Variants in TIMD4 observed in about 807,000 individuals in gnomAD.
TIMD4 encodes the protein T cell immunoglobulin and mucin domain containing 4.
Under a neutral mutation model 41.2 loss-of-function variants are expected in TIMD4, and 31 were observed. The observed-to-expected ratio is 0.75, with a 90% CI of 0.57 to 1.01. TIMD4 has a LOEUF of 1.01. TIMD4 is among the 50% of genes least tolerant of loss of function. TIMD4 has a pLI of 0.00. For synonymous variants in TIMD4, 204 were observed against 177.1 expected (o/e 1.15, Z -1.21); for missense variants, 479 against 472.5 (o/e 1.01, Z -0.13).
chr5:156,953,548 A>G (rs1023929422), intron 2 of TIMD4, among the ~76,000 whole-genome samples: 7 of 149,208 alleles, frequency 4.7e-5, no homozygotes, highest in African/African-American at 1.7e-4. Context: ...CCAGCTACTC[A>G]GGAGGCTGAG....
In TIMD4 at chr5:156,948,358, A is replaced by AAAT. The variant is rs1554083667; in HGVS notation, c.844+55_844+57dup. 149 of 1,046,656 alleles carry AAAT rather than the reference A, an allele frequency of 1.4e-4. No individual in the cohort carries two copies. The African/African-American group carries it at 2.0e-3, about 14-fold the overall frequency. 64.8% of individuals were successfully genotyped at this position (1,046,656 alleles called of 1,614,324 possible). A position where few individuals can be genotyped will look rare whatever the true frequency, so the allele number is the denominator to read the frequency against. On this transcript the variant is annotated intron_variant, in intron 5 of 8. Transcript: ENST00000274532. ...AAAAAAGCAAGATTCTGTCTAAAAA[A>AAAT]AATAATAATAATAATTAATAAAGTA... is the stretch of plus-strand genomic sequence containing the variant.
intron 5 of TIMD4, 53 bp downstream of exon 5, chr5:156,948,363 A>G (rs1279004670): frequency 9.4e-7 from 1 of 1,064,098 alleles, no homozygotes; most frequent in Non-Finnish European, 1.2e-6. Flanking sequence ...AAAAAAAATA[A>G]TAATAATAAT....
chr5:156,919,613 A>T, intron 8 of TIMD4, 72 bp from the exon 9 acceptor site: 2 of 1,267,070 alleles, frequency 1.6e-6, no homozygotes, highest in Non-Finnish European at 2.3e-6. Flanking sequence ...GATGCTGCTA[A>T]GTTACAGTGC....
At position 156,954,463 on chromosome 5, in the gene TIMD4, C is replaced by A; in HGVS notation, c.352G>T (p.Gly118Cys). 6.2e-7 allele frequency: 1 copy of A among 1,614,190 alleles called. No homozygotes were observed. The highest frequency in any genetic ancestry group is 8.5e-7 in the Non-Finnish European group (1 of 1,180,032). ...GVYCCRIEVP[G>C]WFNDVKINVR... ...TTTATCTTTACATCGTTGAACCAGC[C>A]AGGCACTTCTATGCGGCAGCAGTAC... The change falls in exon 2 of 9, where the codon GGC (glycine) becomes TGC (cysteine). Residue 118 changes from glycine to cysteine, a missense_variant. Gly to Cys is a radical substitution (Grantham distance 159). Transcript: ENST00000274532.
At position 156,919,439 on chromosome 5, in the gene TIMD4, T is replaced by G; in HGVS notation, c.*18A>C. Reference sequence around the variant, plus strand: ...GAGTGTCATGCCCCCATCCTCAATCTAACATGCTACTGCGTTGTTAGAGGG... The same window carrying G: ...GAGTGTCATGCCCCCATCCTCAATCGAACATGCTACTGCGTTGTTAGAGGG... On this transcript the variant is annotated 3_prime_UTR_variant, in exon 9 of 9. Transcript: ENST00000274532. The G allele has an allele frequency of 6.2e-7, 1 of 1,611,746 alleles. No individual in the cohort carries two copies. Among genetic ancestry groups the G allele is most frequent in the Non-Finnish European group, 8.5e-7 (1 of 1,177,894 alleles).
At chr5:156,954,308 C>A (rs1278123878) in intron 2 of TIMD4, 107 bp downstream of exon 2, 3 of 1,069,676 alleles carry the variant, frequency 2.8e-6, no homozygotes, top group Non-Finnish European at 4.0e-6. Context: ...AATCTTCCCA[C>A]TCACTGTGAA....
At chr5:156,941,305 G>A (rs1273826027) in intron 5 of TIMD4, among the ~76,000 whole-genome samples, 1 of 151,758 alleles carries the variant, frequency 6.6e-6, no homozygotes, top group Non-Finnish European at 1.5e-5. Flanking sequence ...ACCCAAGAAT[G>A]ATCAATAAAT....
intron 5 of TIMD4, among the ~76,000 whole-genome samples, chr5:156,940,701 G>A (rs996780427): frequency 6.6e-6 from 1 of 151,974 alleles, no homozygotes; most frequent in African/African-American, 2.4e-5. Flanking sequence ...GAGAAGTGAG[G>A]AGCCCCTCCG....
chr5:156,922,248 G>A lies in TIMD4; in HGVS notation c.895-32C>T, dbSNP rs527916492. On this transcript the variant is annotated intron_variant, in intron 6 of 8. Coordinates refer to ENST00000274532, the MANE Select transcript of TIMD4 (RefSeq NM_138379.3). ...GGACACAGGCAAGGAGATGGACCCA[G>A]TCACTGCTAGATGCCACCCTCACAA... The A allele has an allele frequency of 1.5e-4, 234 of 1,533,248 alleles. 2 individuals carry two copies. The South Asian group carries it at 2.5e-3, about 16-fold the overall frequency. The allele number at this position is 1,533,248 out of a possible 1,614,324, so 95.0% of individuals were successfully genotyped here. A position where few individuals can be genotyped will look rare whatever the true frequency, so the allele number is the denominator to read the frequency against.
intron 3 of TIMD4, among the ~76,000 whole-genome samples, chr5:156,951,171 T>C (rs1311997325): frequency 6.6e-6 from 1 of 152,082 alleles, no homozygotes; most frequent in Admixed American, 6.6e-5. Context: ...GTCATATCAA[T>C]GGACCCTAAT....
chr5:156,954,870 G>T, intron 1 of TIMD4, 114 bp from the exon 2 acceptor site: 4 of 916,930 alleles, frequency 4.4e-6, no homozygotes, highest in South Asian at 1.8e-5. Context: ...TGTAGTCTAT[G>T]TTTCTTTTCT....
At chr5:156,923,861 AGGGT>A (rs1759298273) in intron 6 of TIMD4, among the ~76,000 whole-genome samples, 4 of 151,922 alleles carry the variant, frequency 2.6e-5, no homozygotes, top group African/African-American at 9.7e-5. Context: ...TGTTTGAGAC[AGGGT>A]CTCTCTCTGT....
Position 156,954,634 on chromosome 5 carries a change from A to AG in TIMD4, c.180dup (p.Tyr61LeufsTer12), listed in dbSNP as rs1174291501. 1.2e-6 allele frequency: 2 copies of AG among 1,614,228 alleles called. No individual in the cohort carries two copies. Among genetic ancestry groups the AG allele is most frequent in the South Asian group, 2.2e-5 (2 of 91,080 alleles). ...ATGAGCGCCTCCTTGCAACCGGAGT[A>AG]GGGGCACTGGTCTTTCCCCCAGCAC... On this transcript the variant is annotated frameshift_variant, in exon 2 of 9. Coordinates refer to ENST00000274532, the MANE Select transcript of TIMD4 (RefSeq NM_138379.3). LOFTEE classifies it high-confidence loss of function.
intron 5 of TIMD4, among the ~76,000 whole-genome samples, chr5:156,946,844 G>A (rs1759753396): frequency 6.6e-6 from 1 of 151,874 alleles, no homozygotes; most frequent in African/African-American, 2.4e-5. Context: ...AATGATGCCT[G>A]TTTCCTGGCT....
chr5:156,922,297 C>T, intron 6 of TIMD4, 81 bp from the exon 7 acceptor site: 1 of 1,044,796 alleles, frequency 9.6e-7, no homozygotes, highest in South Asian at 1.3e-5. Flanking sequence ...CCCAATAGCA[C>T]CTTACAACCA....
Position 156,953,653 on chromosome 5 carries a change from CAAAAAAAAAAAAA to C in TIMD4, c.400+749_400+761del, listed in dbSNP as rs35165963. ...TGGGCAACAAGAGCAAAACTCTGTC[CAAAAAAAAAAAAA>C]AAAAAAAAAGAGAGAGAGAGAGAAT... is the stretch of plus-strand genomic sequence containing the variant. On this transcript the variant is annotated intron_variant, in intron 2 of 8. Transcript: ENST00000274532. Among the ~76,000 whole-genome samples, 11 of 58,488 alleles carry C rather than the reference CAAAAAAAAAAAAA, an allele frequency of 1.9e-4. No homozygotes were observed. The East Asian group carries it at 4.9e-3, about 26-fold the overall frequency. 38.4% of individuals were successfully genotyped at this position (58,488 alleles called of 152,430 possible). A position where few individuals can be genotyped will look rare whatever the true frequency, so the allele number is the denominator to read the frequency against.
intron 1 of TIMD4, among the ~76,000 whole-genome samples, chr5:156,955,188 T>C (rs1759949407): frequency 6.6e-6 from 1 of 152,212 alleles, no homozygotes; most frequent in Non-Finnish European, 1.5e-5. Flanking sequence ...AGGTGACCAG[T>C]TGAGTCTCTA....
intron 5 of TIMD4, among the ~76,000 whole-genome samples, chr5:156,939,075 CCT>C (rs1759593733): frequency 6.6e-6 from 1 of 152,184 alleles, no homozygotes; most frequent in Non-Finnish European, 1.5e-5. Context: ...CACCTCTTCA[CCT>C]CTCTCTTCAT....
intron 5 of TIMD4, among the ~76,000 whole-genome samples, chr5:156,940,789 C>T (rs562669504): frequency 4.6e-5 from 7 of 152,394 alleles, no homozygotes; most frequent in Non-Finnish European, 8.8e-5. Flanking sequence ...GGCACCCCCG[C>T]CCGGCAGCCG....
Sources: allele counts gnomAD v4.1 joint callset (sites outside exome capture counted in the v4.1 genomes callset), GRCh38; gene constraint gnomAD v4.1.1; transcripts MANE v1.5; gene names NCBI Gene and HGNC (gene_info 2026-07-23, HGNC 2026-07-21).